The following CEMIP variants were observed in gnomAD, a reference collection of about 807,000 sequenced individuals.
CEMIP encodes the protein cell migration-inducing and hyaluronan-binding protein.
A neutral mutation model predicts 156.9 loss-of-function variants in CEMIP; 105 were observed. The observed-to-expected ratio is 0.67, with a 90% CI of 0.57 to 0.79. The LOEUF is 0.79. CEMIP is among the 30% of genes least tolerant of loss of function. The pLI, the probability that CEMIP is intolerant of heterozygous loss-of-function variation, is 0.00. For missense variants in CEMIP, 1,457 were observed against 1,769.4 expected (o/e 0.82, Z 3.17); for synonymous variants, 676 against 668.4 (o/e 1.01, Z -0.17).
At chr15:80,901,405 A>T (rs1899536825) in intron 12 of CEMIP, among the ~76,000 whole-genome samples, 1 of 152,158 alleles carries the variant, frequency 6.6e-6, no homozygotes, top group African/African-American at 2.4e-5. Flanking sequence ...ACATTACGTT[A>T]AAAATTCTAT....
At chr15:80,819,486 C>A (rs147912663) in intron 1 of CEMIP, among the ~76,000 whole-genome samples, 75 of 152,312 alleles carry the variant, frequency 4.9e-4, no homozygotes, top group African/African-American at 1.7e-3. Context: ...GGATCTTTGT[C>A]ATATCCATTA....
At chr15:80,879,918 A>G (rs1035932190) in intron 5 of CEMIP, 64 bp downstream of exon 5, 39 of 1,593,186 alleles carry the variant, frequency 2.4e-5, no homozygotes, top group Non-Finnish European at 2.4e-5. Context: ...AGACTTTCCA[A>G]GACAGAGAGA....
At chr15:80,885,909 G>A (rs1432293971) in intron 7 of CEMIP, among the ~76,000 whole-genome samples, 1 of 152,202 alleles carries the variant, frequency 6.6e-6, no homozygotes, top group East Asian at 1.9e-4. Context: ...GAGATACATA[G>A]GTGGGAATTA....
chr15:80,827,915 C>A (rs115774268), intron 1 of CEMIP, among the ~76,000 whole-genome samples: 213 of 152,294 alleles, frequency 1.4e-3, no homozygotes, highest in African/African-American at 4.9e-3. Flanking sequence ...ATCTCCCCTT[C>A]CCCATCTCTG....
intron 1 of CEMIP, among the ~76,000 whole-genome samples, chr15:80,848,242 A>G (rs1897611622): frequency 6.6e-6 from 1 of 152,154 alleles, no homozygotes; most frequent in South Asian, 2.1e-4. Context: ...GACTCCTCCT[A>G]TCTGGCCTCG....
At chr15:80,852,494 TA>T (rs984624440) in intron 1 of CEMIP, among the ~76,000 whole-genome samples, 2 of 152,192 alleles carry the variant, frequency 1.3e-5, no homozygotes, top group Non-Finnish European at 2.9e-5. Flanking sequence ...CTGTTACTTT[TA>T]ATAGTTGCGT....
intron 1 of CEMIP, among the ~76,000 whole-genome samples, chr15:80,871,379 C>T (rs527627936): frequency 1.8e-3 from 271 of 152,290 alleles, no homozygotes; most frequent in African/African-American, 6.4e-3. Context: ...AGCATTATTC[C>T]TCCATGTGGA....
At chr15:80,835,947 G>GT (rs139100226) in intron 1 of CEMIP, among the ~76,000 whole-genome samples, 28,659 of 147,952 alleles carry the variant, frequency 0.19, 2,816 homozygotes, top group Middle Eastern at 0.25. Flanking sequence ...ATTTTTAAGT[G>GT]TTTTTTTTTT....
chr15:80,805,449 G>A (rs1216408622), intron 1 of CEMIP, among the ~76,000 whole-genome samples: 1 of 152,138 alleles, frequency 6.6e-6, no homozygotes, highest in East Asian at 1.9e-4. Context: ...ACTAAGTTAG[G>A]TGTTTAAAAA....
At chr15:80,900,666 GTGTGTGTGTGTATTT>G (rs1899484756) in intron 12 of CEMIP, among the ~76,000 whole-genome samples, 1 of 144,068 alleles carries the variant, frequency 6.9e-6, no homozygotes, top group Non-Finnish European at 1.5e-5. Flanking sequence ...GTGTGTCTGT[GTGTGTGTGTGTATTT>G]TGTGTGTGTA....
intron 23 of CEMIP, 111 bp downstream of exon 23, chr15:80,933,571 A>C: frequency 2.4e-6 from 2 of 820,052 alleles, no homozygotes; most frequent in Non-Finnish European, 3.7e-6. Context: ...AGAGATACAG[A>C]ATTTTTTTTT....
At chr15:80,863,401 G>A (rs992187752) in intron 1 of CEMIP, among the ~76,000 whole-genome samples, 2 of 152,138 alleles carry the variant, frequency 1.3e-5, no homozygotes, top group African/African-American at 4.8e-5. Context: ...CTGAACTAAG[G>A]TCTGTTGGGA....
intron 1 of CEMIP, among the ~76,000 whole-genome samples, chr15:80,788,324 A>G (rs1895991768): frequency 6.6e-6 from 1 of 152,042 alleles, no homozygotes; most frequent in Non-Finnish European, 1.5e-5. Flanking sequence ...TACAAAAATT[A>G]GCCAGGCATG....
Position 80,797,803 on chromosome 15 carries a change from G to A in CEMIP, c.-176+18189G>A, listed in dbSNP as rs141751498. ...GATGAGAAAGAAGTCCTGCAGCTTC[G>A]GGTTCTTTATTACCACAGCAGAGTA... On this transcript the variant is annotated intron_variant, in intron 1 of 29. Coordinates refer to ENST00000394685, the MANE Select transcript of CEMIP (RefSeq NM_001293298.2). 3.6e-4 allele frequency among the ~76,000 whole-genome samples: 55 copies of A among 152,300 alleles called. No homozygotes were observed. The East Asian group carries it at 0.01, about 28-fold the overall frequency.
At chr15:80,861,191 C>T (rs565713876) in intron 1 of CEMIP, among the ~76,000 whole-genome samples, 12 of 151,946 alleles carry the variant, frequency 7.9e-5, no homozygotes, top group Non-Finnish European at 1.3e-4. Context: ...ATAATAAACA[C>T]GGATTGATTA....
At chr15:80,848,900 GCACACACACACA>G (rs3221932) in intron 1 of CEMIP, among the ~76,000 whole-genome samples, 1 of 134,576 alleles carries the variant, frequency 7.4e-6, no homozygotes, top group African/African-American at 3.0e-5. Flanking sequence ...GTGTGCGCGT[GCACACACACACA>G]CACACACACA....
At chr15:80,900,620 G>GTGTGTGTC (rs1899457731) in intron 12 of CEMIP, among the ~76,000 whole-genome samples, 1 of 145,236 alleles carries the variant, frequency 6.9e-6, no homozygotes, top group African/African-American at 2.6e-5. Flanking sequence ...GTGTGTGTGT[G>GTGTGTGTC]TGTGTGTGTG....
intron 14 of CEMIP, chr15:80,909,736 T>C (rs868376259): frequency 1.6e-4 from 69 of 426,450 alleles, no homozygotes; most frequent in South Asian, 3.3e-5. Flanking sequence ...GAACCAAGTG[T>C]TCCTTCAGAG....
intron 12 of CEMIP, among the ~76,000 whole-genome samples, chr15:80,900,579 G>A (rs1249279291): frequency 1.1e-5 from 1 of 94,202 alleles, no homozygotes; most frequent in Non-Finnish European, 2.2e-5. Flanking sequence ...AAAAGCCCCA[G>A]GTAGGGGTGT....
Sources: gnomAD v4.1 joint callset for allele counts (sites outside exome capture counted in the v4.1 genomes callset) on GRCh38, gnomAD v4.1.1 for gene constraint, MANE v1.5 for transcripts, NCBI Gene and HGNC (gene_info 2026-07-23, HGNC 2026-07-21) for gene names.